The following CABIN1 variants were observed in gnomAD, a reference collection of about 807,000 sequenced individuals.
CABIN1 encodes the protein calcineurin-binding protein cabin-1.
CABIN1 carries 133 observed loss-of-function variants against 227.7 expected under a neutral mutation model. That is an observed-to-expected ratio of 0.58 (90% CI 0.51 to 0.67). CABIN1 has a LOEUF of 0.67. Ranked by LOEUF, CABIN1 falls within the 30% of genes least tolerant of loss-of-function variation. The pLI is 0.00. For missense variants in CABIN1, 2,408 were observed against 2,852.5 expected (o/e 0.84, Z 3.55); for synonymous variants, 1,086 against 1,155.1 (o/e 0.94, Z 1.21).
chr22:24,074,102 A>G (rs1322620515), intron 18 of CABIN1, among the ~76,000 whole-genome samples: 1 of 152,032 alleles, frequency 6.6e-6, no homozygotes, highest in Non-Finnish European at 1.5e-5. Context: ...TGTTCTCCAA[A>G]AGGATTTTAG....
intron 1 of CABIN1, among the ~76,000 whole-genome samples, chr22:24,012,246 G>A (rs1310661191): frequency 2.0e-5 from 3 of 152,004 alleles, no homozygotes; most frequent in African/African-American, 7.3e-5. Flanking sequence ...GACTAGCTGC[G>A]TCGCAATAAA....
At chr22:24,099,255 G>A (rs1443456513) in intron 26 of CABIN1, among the ~76,000 whole-genome samples, 1 of 152,180 alleles carries the variant, frequency 6.6e-6, no homozygotes, top group East Asian at 1.9e-4. Context: ...TAGGGCTTGA[G>A]AGCAGGTTTA....
chr22:24,065,787 C>A (rs1036788130), intron 15 of CABIN1, among the ~76,000 whole-genome samples: 10 of 152,258 alleles, frequency 6.6e-5, no homozygotes, highest in African/African-American at 2.4e-4. Flanking sequence ...GGATCACTCG[C>A]GATTAGGAGC....
chr22:24,080,701 G>A (rs1213244488), intron 19 of CABIN1, among the ~76,000 whole-genome samples: 1 of 151,938 alleles, frequency 6.6e-6, no homozygotes, highest in African/African-American at 2.4e-5. Context: ...TTTTATTAGT[G>A]TTGTAAATAG....
Position 24,072,492 on chromosome 22 carries a change from C to T in CABIN1, c.2614C>T (p.Gln872Ter). The change falls in exon 18 of 37, where the codon CAA becomes TAA. Residue 872 changes from glutamine to a stop codon, truncating the protein, a stop_gained. Coordinates refer to ENST00000263119, the MANE Select transcript of CABIN1 (RefSeq NM_012295.4). LOFTEE classifies it high-confidence loss of function. ...FHSLCHQQQL[Q>*]NPAEEGMSET... The stretch of plus-strand genomic sequence containing the variant: ...TTCTCTGTGCCACCAGCAGCAGCTC[C>T]AAAACCCAGCGGAGGAAGGTGCACA... The T allele has an allele frequency of 6.2e-7, 1 of 1,614,186 alleles. No homozygotes were observed. The highest frequency in any genetic ancestry group is 8.5e-7 in the Non-Finnish European group (1 of 1,180,026).
At chr22:24,072,743 G>A (rs2040182681) in intron 18 of CABIN1, among the ~76,000 whole-genome samples, 2 of 152,170 alleles carry the variant, frequency 1.3e-5, no homozygotes, top group South Asian at 4.1e-4. Flanking sequence ...TGTATGTTTG[G>A]TGCAGATGGC....
At chr22:24,112,321 G>C (rs1253690126) in intron 26 of CABIN1, among the ~76,000 whole-genome samples, 1 of 152,164 alleles carries the variant, frequency 6.6e-6, no homozygotes, top group Non-Finnish European at 1.5e-5. Flanking sequence ...GCTGGCTTGG[G>C]TTTTGTTGTT....
At chr22:24,114,265 T>G (rs2147810240) in intron 27 of CABIN1, among the ~76,000 whole-genome samples, 1 of 152,224 alleles carries the variant, frequency 6.6e-6, no homozygotes, top group Admixed American at 6.5e-5. Context: ...CAGGCCCCCT[T>G]TATAGAAATC....
chr22:24,089,956 C>T (rs1029726492), intron 23 of CABIN1, among the ~76,000 whole-genome samples: 3 of 152,208 alleles, frequency 2.0e-5, no homozygotes, highest in African/African-American at 7.2e-5. Flanking sequence ...TGCCATCAGC[C>T]ATTTCCTGAG....
intron 23 of CABIN1, among the ~76,000 whole-genome samples, chr22:24,088,787 GA>G (rs2041347991): frequency 6.6e-6 from 1 of 152,002 alleles, no homozygotes; most frequent in Admixed American, 6.6e-5. Flanking sequence ...TGTACTCCTA[GA>G]AAAAAACACC....
At chr22:24,158,872 C>T (rs2045988652) in intron 29 of CABIN1, among the ~76,000 whole-genome samples, 1 of 152,140 alleles carries the variant, frequency 6.6e-6, no homozygotes, top group Non-Finnish European at 1.5e-5. Context: ...CTGGATGTGG[C>T]GCTAGGAACA....
At position 24,165,516 on chromosome 22, in the gene CABIN1, CT is replaced by C. The variant is rs772838647; in HGVS notation, c.4911-13del. ...GCCCTCCTGTCCTCTCTGACTACCC[CT>C]GTATGACCGCAGGAAGTATCTGCGA... On this transcript the variant is annotated splice_polypyrimidine_tract_variant and intron_variant, in intron 30 of 36. Transcript: ENST00000263119. 3.7e-6 allele frequency: 6 copies of C among 1,609,868 alleles called. No homozygotes were observed. Among genetic ancestry groups the C allele is most frequent in the African/African-American group, 2.7e-5 (2 of 74,910 alleles).
chr22:24,020,587 A>G (rs2035649325), intron 1 of CABIN1, among the ~76,000 whole-genome samples: 1 of 152,112 alleles, frequency 6.6e-6, no homozygotes, highest in Non-Finnish European at 1.5e-5. Flanking sequence ...TTATAGGCAG[A>G]TTACAGTCAT....
intron 4 of CABIN1, among the ~76,000 whole-genome samples, chr22:24,038,827 A>G (rs2037131174): frequency 6.6e-6 from 1 of 152,232 alleles, no homozygotes; most frequent in Admixed American, 6.5e-5. Context: ...AAGCATTCGA[A>G]CCAGGTTTGG....
chr22:24,163,185 G>T (rs1041073560), intron 29 of CABIN1, among the ~76,000 whole-genome samples: 15 of 152,304 alleles, frequency 9.8e-5, no homozygotes, highest in African/African-American at 3.6e-4. Context: ...TAGTCCCCCA[G>T]CCTGCAGGTG....
At chr22:24,070,632 G>T (rs957251696) in intron 16 of CABIN1, among the ~76,000 whole-genome samples, 168 bp from the exon 17 acceptor site, 1 of 152,250 alleles carries the variant, frequency 6.6e-6, no homozygotes, top group African/African-American at 2.4e-5. Flanking sequence ...CCACTGGACT[G>T]CCCTTCTAGG....
intron 3 of CABIN1, among the ~76,000 whole-genome samples, chr22:24,037,240 A>G (rs1479851018): frequency 6.7e-6 from 1 of 149,064 alleles, no homozygotes; most frequent in Non-Finnish European, 1.5e-5. Flanking sequence ...AGCCTGGGCG[A>G]CAGAGTGAGA....
At chr22:24,015,080 A>G (rs374355133) in intron 1 of CABIN1, among the ~76,000 whole-genome samples, 7 of 151,898 alleles carry the variant, frequency 4.6e-5, no homozygotes, top group African/African-American at 1.7e-4. Flanking sequence ...CCTGGCCAAC[A>G]TGGTGAAACC....
chr22:24,014,992 G>A (rs1054806478), intron 1 of CABIN1, among the ~76,000 whole-genome samples: 2 of 152,010 alleles, frequency 1.3e-5, no homozygotes, highest in African/African-American at 4.8e-5. Context: ...GGCCAGGCGT[G>A]GTGGCTCATG....
Sources: allele counts gnomAD v4.1 joint callset (sites outside exome capture counted in the v4.1 genomes callset), GRCh38; gene constraint gnomAD v4.1.1; transcripts MANE v1.5; gene names NCBI Gene and HGNC (gene_info 2026-07-23, HGNC 2026-07-21).